TOP1: variants seen among roughly 807,000 people sequenced by gnomAD.
TOP1 encodes the protein DNA topoisomerase 1.
In TOP1, 10 loss-of-function variants were observed where a neutral mutation model predicts 111.1. The observed-to-expected ratio is 0.09, with a 90% CI of 0.06 to 0.15. TOP1 has a LOEUF of 0.15. TOP1 is among the 10% of genes least tolerant of loss of function. The pLI, the probability that TOP1 is intolerant of heterozygous loss-of-function variation, is 1.00. For missense variants in TOP1, 474 were observed against 926.7 expected, an observed-to-expected ratio of 0.51 and a Z score of 6.34; for synonymous variants, 271 against 302.9, an observed-to-expected ratio of 0.89 and a Z score of 1.10.
chr20:41,040,416 GA>G (rs1484709924), intron 2 of TOP1, among the ~76,000 whole-genome samples: 2 of 152,138 alleles, frequency 1.3e-5, no homozygotes, highest in Non-Finnish European at 2.9e-5. Flanking sequence ...AGCTTCTTAG[GA>G]ATTGATTGTG....
At position 41,067,939 on chromosome 20, in the gene TOP1, C is replaced by T. The variant is rs1483434638; in HGVS notation, c.155+6449C>T. On this transcript the variant is annotated intron_variant, in intron 3 of 20. Transcript: ENST00000361337. The surrounding 1 kb of genome is among the most constrained non-coding windows in gnomAD (Gnocchi z 4.0). Reference sequence around the variant, plus strand: ...TAAGAATCATTTCATCTTGTCTTCTCTTTGTGTGGACAGGAGTCTGAGGTC... The same window carrying T: ...TAAGAATCATTTCATCTTGTCTTCTTTTTGTGTGGACAGGAGTCTGAGGTC... Among the ~76,000 whole-genome samples, 2 of 152,186 alleles carry T rather than the reference C, an allele frequency of 1.3e-5. No individual in the cohort carries two copies. Among genetic ancestry groups the T allele is most frequent in the African/African-American group, 4.8e-5 (2 of 41,432 alleles).
chr20:41,079,881 C>A lies in TOP1; in HGVS notation c.336-204C>A, dbSNP rs555273626. ...GTCTTGATCCCAAATCCTGATATTGCCCATTCACCTGTACAATGAGGACAA... is the reference window on the plus strand; with the variant it reads ...GTCTTGATCCCAAATCCTGATATTGACCATTCACCTGTACAATGAGGACAA... On this transcript the variant is annotated intron_variant, in intron 5 of 20. Coordinates refer to ENST00000361337, the MANE Select transcript of TOP1 (RefSeq NM_003286.4). This position sits in a 1 kb window ranked among gnomAD's most constrained non-coding sequence, Gnocchi z 4.0. 2.4e-4 allele frequency among the ~76,000 whole-genome samples: 36 copies of A among 152,326 alleles called. No homozygotes were observed. In the South Asian group the frequency reaches 5.0e-3, roughly 21 times the overall value.
rs2033332361 is a variant in TOP1, at chr20:41,046,230, T to G, written c.59-15164T>G. Among the ~76,000 whole-genome samples the G allele has an allele frequency of 6.6e-6, 1 of 152,256 alleles. No homozygotes were observed. The highest frequency in any genetic ancestry group is 2.4e-5 in the African/African-American group (1 of 41,462). On this transcript the variant is annotated intron_variant, in intron 2 of 20. Transcript: ENST00000361337. This position sits in a 1 kb window ranked among gnomAD's most constrained non-coding sequence, Gnocchi z 4.3. Reference sequence around the variant, plus strand: ...TCAATCCTGAGGTAGTTAACATTACTATTTCCAGTAATGTTCACTGGGCCA... The same window carrying G: ...TCAATCCTGAGGTAGTTAACATTACGATTTCCAGTAATGTTCACTGGGCCA...
At chr20:41,055,398 C>G (rs770876868) in intron 2 of TOP1, among the ~76,000 whole-genome samples, 2 of 152,228 alleles carry the variant, frequency 1.3e-5, no homozygotes, top group Non-Finnish European at 2.9e-5. Context: ...AAGTAATCTT[C>G]AAGGCCACAG....
Position 41,032,456 on chromosome 20 carries a change from GC to G in TOP1, c.58+3002del, listed in dbSNP as rs1290834047. 6.6e-6 allele frequency among the ~76,000 whole-genome samples: 1 copy of G among 152,178 alleles called. No homozygotes were observed. The highest frequency in any genetic ancestry group is 2.4e-5 in the African/African-American group (1 of 41,428). ...TATTGGTAGAACTAACTGTAGTGGG[GC>G]TGAGTCATTATTACAGTACTGTACA... On this transcript the variant is annotated intron_variant, in intron 2 of 20. Transcript: ENST00000361337. This position sits in a 1 kb window ranked among gnomAD's most constrained non-coding sequence, Gnocchi z 4.3.
In TOP1 at chr20:41,078,857, A is replaced by T. The variant is rs1358737978; in HGVS notation, c.335+1220A>T. On this transcript the variant is annotated intron_variant, in intron 5 of 20. Coordinates refer to ENST00000361337, the MANE Select transcript of TOP1 (RefSeq NM_003286.4). The surrounding 1 kb of genome is among the most constrained non-coding windows in gnomAD (Gnocchi z 5.3). ...GTATATGTCTTTGTAGAGAATCCAG[A>T]TGCTTCACTGGAATACAGTTTTCAG... Among the ~76,000 whole-genome samples the T allele has an allele frequency of 6.6e-6, 1 of 152,190 alleles. No homozygotes were observed. Among genetic ancestry groups the T allele is most frequent in the Non-Finnish European group, 1.5e-5 (1 of 68,030 alleles).
rs944066956 is a variant in TOP1 at position 41,110,247 on chromosome 20, T to C, written c.1309-2535T>C. 6.6e-6 allele frequency among the ~76,000 whole-genome samples: 1 copy of C among 151,776 alleles called. No individual in the cohort carries two copies. Among genetic ancestry groups the C allele is most frequent in the African/African-American group, 2.4e-5 (1 of 41,114 alleles). On this transcript the variant is annotated intron_variant, in intron 13 of 20. Coordinates refer to ENST00000361337, the MANE Select transcript of TOP1 (RefSeq NM_003286.4). This position sits in a 1 kb window ranked among gnomAD's most constrained non-coding sequence, Gnocchi z 4.2. Reference sequence around the variant, plus strand: ...TTGCACTGAGCCGAGATTGCATCACTGTACTCCAGCCTGGTGACAGAGCGA... The same window carrying C: ...TTGCACTGAGCCGAGATTGCATCACCGTACTCCAGCCTGGTGACAGAGCGA...
chr20:41,055,545 A>G (rs905614315), intron 2 of TOP1, among the ~76,000 whole-genome samples: 12 of 152,310 alleles, frequency 7.9e-5, no homozygotes, highest in African/African-American at 2.6e-4. Context: ...CTTAGATACA[A>G]TATGGCTCAG....
intron 7 of TOP1, 66 bp from the exon 8 acceptor site, chr20:41,084,396 C>CA: frequency 3.0e-6 from 3 of 1,008,764 alleles, no homozygotes; most frequent in Non-Finnish European, 4.3e-6. Context: ...TCATGGCTCC[C>CA]AAAAACTGCC....
chr20:41,065,192 A>G (rs1047462295), intron 3 of TOP1, among the ~76,000 whole-genome samples: 1 of 152,200 alleles, frequency 6.6e-6, no homozygotes, highest in Non-Finnish European at 1.5e-5. Flanking sequence ...GGTGTGAGCC[A>G]CCACGCCCAG....
chr20:41,070,945 A>T (rs1381991832), intron 3 of TOP1, among the ~76,000 whole-genome samples: 14 of 152,232 alleles, frequency 9.2e-5, no homozygotes, highest in Admixed American at 8.5e-4. Flanking sequence ...TGAAATGAAG[A>T]TACCAGTAGT....
Position 41,118,223 on chromosome 20 carries a change from T to C in TOP1, c.1877T>C (p.Val626Ala), listed in dbSNP as rs2034365452. 6.2e-7 allele frequency: 1 copy of C among 1,614,046 alleles called. No individual in the cohort carries two copies. The highest frequency in any genetic ancestry group is 8.5e-7 in the Non-Finnish European group (1 of 1,180,018). ...ILSYNRANRAVAILCNHQRAP... is the reference protein window; with the variant it reads ...ILSYNRANRAAAILCNHQRAP... Reference sequence around the variant, plus strand: ...TCTTATAACCGTGCCAATCGAGCTGTTGCAATTCTTTGTAACCATCAGAGG... The same window carrying C: ...TCTTATAACCGTGCCAATCGAGCTGCTGCAATTCTTTGTAACCATCAGAGG... The change falls in exon 18 of 21, where the codon GTT (valine) becomes GCT (alanine). Residue 626 changes from valine (V) to alanine (A), a missense_variant. Physicochemically the swap from Val to Ala is moderately conservative, Grantham distance 64. Around this residue, in one of 14 missense-constraint regions of TOP1, gnomAD observed 13 missense variants for 56.8 expected, o/e 0.23. Transcript: ENST00000361337. The surrounding 1 kb of genome is among the most constrained non-coding windows in gnomAD (Gnocchi z 4.6).
At chr20:41,077,911 A>G (rs2033747581) in intron 5 of TOP1, among the ~76,000 whole-genome samples, 2 of 150,586 alleles carry the variant, frequency 1.3e-5, no homozygotes, top group African/African-American at 4.9e-5. Flanking sequence ...TGACTTGCAT[A>G]TCACAAAATT....
At chr20:41,041,292 TAAC>T (rs1334411823) in intron 2 of TOP1, among the ~76,000 whole-genome samples, 2 of 151,578 alleles carry the variant, frequency 1.3e-5, no homozygotes, top group Non-Finnish European at 2.9e-5. Context: ...TACAAAAAAA[TAAC>T]AAAAATTAGC....
intron 2 of TOP1, among the ~76,000 whole-genome samples, chr20:41,035,974 C>T: frequency 6.6e-6 from 1 of 152,156 alleles, no homozygotes; most frequent in East Asian, 1.9e-4. Context: ...ACTATGTGAG[C>T]TCTTGCCAAG....
intron 3 of TOP1, among the ~76,000 whole-genome samples, chr20:41,074,714 ATCT>A (rs1294927472): frequency 6.6e-6 from 1 of 152,060 alleles, no homozygotes; most frequent in African/African-American, 2.4e-5. Flanking sequence ...TCCCTTTGTG[ATCT>A]TCTACTGTAG....
intron 2 of TOP1, among the ~76,000 whole-genome samples, chr20:41,036,707 A>G (rs1449088956): frequency 6.6e-6 from 1 of 152,190 alleles, no homozygotes; most frequent in African/African-American, 2.4e-5. Flanking sequence ...GTCTTTACCT[A>G]ATTGAATCAG....
chr20:41,047,258 C>T (rs574102522), intron 2 of TOP1, among the ~76,000 whole-genome samples: 1 of 152,296 alleles, frequency 6.6e-6, no homozygotes, highest in South Asian at 2.1e-4. Context: ...AACAATAGAC[C>T]ACTTATATAA....
intron 18 of TOP1, among the ~76,000 whole-genome samples, chr20:41,119,001 G>T (rs1413777931): frequency 6.6e-6 from 1 of 152,152 alleles, no homozygotes; most frequent in African/African-American, 2.4e-5. Flanking sequence ...TCCTAACATG[G>T]TGGTCCACAG....
Sources: gnomAD v4.1 joint callset for allele counts (sites outside exome capture counted in the v4.1 genomes callset) on GRCh38, gnomAD v4.1.1 for gene constraint, gnomAD v4.1.1 regional missense constraint, Gnocchi (gnomAD v3.1) non-coding constraint, MANE v1.5 for transcripts, NCBI Gene and HGNC (gene_info 2026-07-23, HGNC 2026-07-21) for gene names.